PYHIN1: variants seen among roughly 807,000 people sequenced by gnomAD.
The protein encoded by PYHIN1 is pyrin and HIN domain-containing protein 1.
Under a neutral mutation model 43.7 loss-of-function variants are expected in PYHIN1, and 32 were observed. That is an observed-to-expected ratio of 0.73 (90% confidence interval 0.55 to 0.98). The LOEUF is 0.98. PYHIN1 is among the 50% of genes least tolerant of loss of function. PYHIN1 has a pLI of 0.00. For synonymous variants in PYHIN1, 205 were observed against 203.1 expected (o/e 1.01, Z -0.08); for missense variants, 588 against 589.5 (o/e 1.00, Z 0.03).
At chr1:158,963,770 G>T (rs532425313) in intron 7 of PYHIN1, among the ~76,000 whole-genome samples, 1 of 152,150 alleles carries the variant, frequency 6.6e-6, no homozygotes, top group African/African-American at 2.4e-5. Flanking sequence ...AGGAAAGAAG[G>T]TTTCTAACTA....
intron 7 of PYHIN1, among the ~76,000 whole-genome samples, chr1:158,959,753 C>T (rs941023063): frequency 2.0e-5 from 3 of 152,208 alleles, no homozygotes; most frequent in Non-Finnish European, 4.4e-5. Flanking sequence ...GTTTGAACAA[C>T]TGGAGTGAAG....
chr1:158,943,367 T>A (rs762094771), intron 5 of PYHIN1, among the ~76,000 whole-genome samples: 1 of 152,218 alleles, frequency 6.6e-6, no homozygotes, highest in African/African-American at 2.4e-5. Context: ...ATTAGATAGT[T>A]ACTAGAAGCT....
the PYHIN1 span, among the ~76,000 whole-genome samples, chr1:158,984,519 A>G: frequency 6.6e-6 from 1 of 152,128 alleles, no homozygotes; most frequent in Non-Finnish European, 1.5e-5. Flanking sequence ...TGTGGTTGAT[A>G]TAATTTCTGT....
chr1:158,984,446 T>C, the PYHIN1 span, among the ~76,000 whole-genome samples: 3 of 152,172 alleles, frequency 2.0e-5, no homozygotes, highest in Non-Finnish European at 4.4e-5. Context: ...TCCAAATACT[T>C]CTATGATTTT....
chr1:158,975,760 T>G (rs1651219096), intron 8 of PYHIN1, among the ~76,000 whole-genome samples: 2 of 152,090 alleles, frequency 1.3e-5, no homozygotes, highest in African/African-American at 4.8e-5. Context: ...GAGCTTAAAC[T>G]TGGGTAATTT....
At chr1:158,960,107 C>A (rs1214336559) in intron 7 of PYHIN1, among the ~76,000 whole-genome samples, 2 of 152,200 alleles carry the variant, frequency 1.3e-5, no homozygotes, top group African/African-American at 4.8e-5. Context: ...TACAAGCTCT[C>A]TATTTTGTTT....
the PYHIN1 span, among the ~76,000 whole-genome samples, chr1:158,988,990 G>T: frequency 6.6e-6 from 1 of 152,196 alleles, no homozygotes; most frequent in East Asian, 1.9e-4. Flanking sequence ...GTTGAACCTG[G>T]ATCCAAAGAG....
the PYHIN1 span, among the ~76,000 whole-genome samples, chr1:158,987,135 T>A: frequency 6.6e-6 from 1 of 152,176 alleles, no homozygotes; most frequent in East Asian, 1.9e-4. Flanking sequence ...TGGGATATTG[T>A]CAGAAAGTCT....
intron 7 of PYHIN1, among the ~76,000 whole-genome samples, chr1:158,961,404 T>A (rs1008422457): frequency 2.6e-5 from 4 of 152,164 alleles, no homozygotes; most frequent in African/African-American, 9.7e-5. Flanking sequence ...TTTAAGATAC[T>A]GCTTTTGAGG....
chr1:158,960,004 A>T (rs901861234), intron 7 of PYHIN1, among the ~76,000 whole-genome samples: 11 of 152,200 alleles, frequency 7.2e-5, no homozygotes, highest in African/African-American at 2.4e-4. Flanking sequence ...CTATTTTTAC[A>T]TTCATTTCTC....
intron 7 of PYHIN1, among the ~76,000 whole-genome samples, chr1:158,954,742 T>C (rs1281923380): frequency 1.1e-4 from 17 of 150,472 alleles, no homozygotes; most frequent in African/African-American, 2.7e-4. Flanking sequence ...ATCAAATTCA[T>C]ACATAACAAT....
chr1:158,961,570 A>G (rs1025590084), intron 7 of PYHIN1, among the ~76,000 whole-genome samples: 1 of 151,938 alleles, frequency 6.6e-6, no homozygotes, highest in Non-Finnish European at 1.5e-5. Context: ...GAAGAGTGAG[A>G]CAAGACAATT....
the PYHIN1 span, among the ~76,000 whole-genome samples, chr1:158,990,599 A>G: frequency 3.9e-5 from 6 of 152,186 alleles, no homozygotes; most frequent in Non-Finnish European, 8.8e-5. Context: ...TTGCTATAAA[A>G]TAGATTTCTT....
At chr1:158,978,957 G>A (rs1651394142), downstream of PYHIN1, among the ~76,000 whole-genome samples, 1 of 152,134 alleles carries the variant, frequency 6.6e-6, no homozygotes, top group African/African-American at 2.4e-5. Context: ...ACAGCTCACA[G>A]AGATCTAACC....
intron 5 of PYHIN1, among the ~76,000 whole-genome samples, chr1:158,943,102 G>C (rs150743182): frequency 1.2e-4 from 18 of 152,200 alleles, no homozygotes; most frequent in African/African-American, 3.9e-4. Flanking sequence ...ATCTATACCT[G>C]GCTATTGAGT....
chr1:158,969,218 T>C (rs1318392523), intron 7 of PYHIN1, among the ~76,000 whole-genome samples: 1 of 151,992 alleles, frequency 6.6e-6, no homozygotes, highest in East Asian at 1.9e-4. Flanking sequence ...ATCGTTATGG[T>C]TTGAGTTTGT....
chr1:158,936,900 T>A lies in PYHIN1; in HGVS notation c.-11T>A. The A allele has an allele frequency of 6.4e-6, 10 of 1,560,252 alleles. No individual in the cohort carries two copies. Among genetic ancestry groups the A allele is most frequent in the Non-Finnish European group, 8.6e-6 (10 of 1,156,692 alleles). ...CATTTTTCTCTTGCAGGCTCACTTA[T>A]ATCTTTAGAGATGGCAAATAACTAC... On this transcript the variant is annotated 5_prime_UTR_variant, in exon 2 of 9. Coordinates refer to ENST00000368140, the MANE Select transcript of PYHIN1 (RefSeq NM_152501.5).
In PYHIN1 at chr1:158,973,213, G is replaced by A. The variant is rs539012138; in HGVS notation, c.1360-434G>A. ...GTTGAAGACAGACTTATTCTTTACA[G>A]GAGTTTGCTATATGTGACTGGATTT... On this transcript the variant is annotated intron_variant, in intron 7 of 8. Coordinates refer to ENST00000368140, the MANE Select transcript of PYHIN1 (RefSeq NM_152501.5). Among the ~76,000 whole-genome samples, 9 of 152,124 alleles carry A rather than the reference G, an allele frequency of 5.9e-5. No individual in the cohort carries two copies. In the South Asian group the frequency reaches 1.7e-3, roughly 28 times the overall value.
chr1:158,936,514 C>T (rs1648551196), intron 1 of PYHIN1, among the ~76,000 whole-genome samples: 2 of 152,072 alleles, frequency 1.3e-5, no homozygotes. Context: ...AAGTGGGCTT[C>T]ATCCCTGGGA....
Sources: allele counts gnomAD v4.1 joint callset (sites outside exome capture counted in the v4.1 genomes callset), GRCh38; gene constraint gnomAD v4.1.1; transcripts MANE v1.5; gene names NCBI Gene and HGNC (gene_info 2026-07-23, HGNC 2026-07-21).